The following SFI1 variants were observed in gnomAD, a reference collection of about 807,000 sequenced individuals.
SFI1 encodes the protein protein SFI1 homolog.
Under a neutral mutation model 207.5 loss-of-function variants are expected in SFI1, and 195 were observed. That is an observed-to-expected ratio of 0.94 (90% CI 0.84 to 1.06). The LOEUF is 1.06. SFI1 is among the 50% of genes least tolerant of loss of function. SFI1 has a pLI of 0.00. For synonymous variants in SFI1, 630 were observed against 598.9 expected (o/e 1.05, Z -0.76); for missense variants, 1,634 against 1,588.0 (o/e 1.03, Z -0.49).
intron 7 of SFI1, among the ~76,000 whole-genome samples, chr22:31,557,783 G>C (rs1216110432): frequency 6.6e-6 from 1 of 152,080 alleles, no homozygotes; most frequent in Non-Finnish European, 1.5e-5. Flanking sequence ...GCAAAACTAG[G>C]GCTCACCCAC....
At chr22:31,603,849 G>A (rs757467074) in intron 18 of SFI1, 30 bp downstream of exon 18, 1 of 1,571,972 alleles carries the variant, frequency 6.4e-7, no homozygotes, top group East Asian at 2.4e-5. Flanking sequence ...TGCCACCCGT[G>A]TATGACTTTT....
At chr22:31,541,994 C>G (rs903883509) in intron 4 of SFI1, among the ~76,000 whole-genome samples, 3 of 146,724 alleles carry the variant, frequency 2.0e-5, no homozygotes, top group Admixed American at 6.9e-5. Context: ...CCAGCTACTC[C>G]GGAGGCTGAG....
intron 8 of SFI1, among the ~76,000 whole-genome samples, chr22:31,569,014 T>A (rs2062685228): frequency 6.6e-6 from 1 of 152,234 alleles, no homozygotes; most frequent in African/African-American, 2.4e-5. Flanking sequence ...TAAAGCATTT[T>A]AATTCTTTAA....
chr22:31,530,614 G>T lies in SFI1; in HGVS notation c.267-444G>T, dbSNP rs765022221. 5.5e-5 allele frequency: 26 copies of T among 470,932 alleles called. 1 individual carries two copies. The highest frequency in any genetic ancestry group is 4.0e-4 in the South Asian group (26 of 64,538). 29.2% of individuals were successfully genotyped at this position (470,932 alleles called of 1,614,324 possible). A position where few individuals can be genotyped will look rare whatever the true frequency, so the allele number is the denominator to read the frequency against. ...CAGGGGCTCACAGTGCAGAGGGAAT[G>T]ACAGACACCCTGTGAGCTGATCTCT... On this transcript the variant is annotated intron_variant, in intron 3 of 32. Coordinates refer to ENST00000400288, the MANE Select transcript of SFI1 (RefSeq NM_001007467.3).
chr22:31,562,868 T>C (rs747621983), intron 8 of SFI1, among the ~76,000 whole-genome samples: 19 of 151,812 alleles, frequency 1.3e-4, no homozygotes, highest in Non-Finnish European at 2.4e-4. Context: ...CTCCTGACCT[T>C]GTGATGGCCT....
intron 4 of SFI1, among the ~76,000 whole-genome samples, chr22:31,546,283 C>G (rs1226142239): frequency 6.6e-6 from 1 of 151,994 alleles, no homozygotes; most frequent in African/African-American, 2.4e-5. Flanking sequence ...GTATTACAGG[C>G]ATGAGCCACC....
At chr22:31,589,695 G>A in intron 15 of SFI1, 118 bp downstream of exon 15, 1 of 1,058,682 alleles carries the variant, frequency 9.4e-7, no homozygotes, top group Non-Finnish European at 1.3e-6. Flanking sequence ...AGTACTTCCT[G>A]GATTTTCAGT....
chr22:31,615,654 G>C (rs1263350699), intron 29 of SFI1: 1 of 187,482 alleles, frequency 5.3e-6, no homozygotes, highest in African/African-American at 2.3e-5. Flanking sequence ...TCAGGTTTCT[G>C]TGCAGGCTGT....
chr22:31,567,919 T>A (rs1427526411), intron 8 of SFI1, among the ~76,000 whole-genome samples: 5 of 152,156 alleles, frequency 3.3e-5, no homozygotes, highest in Non-Finnish European at 7.4e-5. Context: ...TAAAAGGACG[T>A]AATGAACTGC....
At position 31,616,883 on chromosome 22, in the gene SFI1, T is replaced by C; in HGVS notation, c.3433+6T>C. 6.2e-7 allele frequency: 1 copy of C among 1,609,762 alleles called. No individual in the cohort carries two copies. The highest frequency in any genetic ancestry group is 8.5e-7 in the Non-Finnish European group (1 of 1,177,746). On this transcript the variant is annotated splice_donor_region_variant and intron_variant, in intron 30 of 32. Transcript: ENST00000400288. The stretch of plus-strand genomic sequence containing the variant: ...GCCTGGACTTTCAACTGCAGGTGTG[T>C]ACCTGGGGCCTGTCAGGGCAGAAAG...
rs1386589683 is a variant in SFI1, at chr22:31,514,527, A to AC, written c.92+6151_92+6152insC. ...TGTCTCAAAAAAAAAAAAAAAAAAA[A>AC]AAAATCAACTGTATTTCTCCTATTT... On this transcript the variant is annotated intron_variant, in intron 2 of 32. Coordinates refer to ENST00000400288, the MANE Select transcript of SFI1 (RefSeq NM_001007467.3). Among the ~76,000 whole-genome samples the AC allele has an allele frequency of 8.9e-4, 135 of 151,022 alleles. 2 individuals are homozygous for AC. Among genetic ancestry groups the AC allele is most frequent in the South Asian group, 6.9e-3 (33 of 4,760 alleles).
At chr22:31,582,226 ATATATATATATTTTTTTTTTTTTT>A (rs2064361279) in intron 12 of SFI1, among the ~76,000 whole-genome samples, 4 of 34,242 alleles carry the variant, frequency 1.2e-4, no homozygotes, top group African/African-American at 4.5e-4. Flanking sequence ...ATATATATAT[ATATATATATATTTTTTTTTTTTTT>A]TTTTTTTTTT....
chr22:31,580,636 G>A (rs1386059848), intron 12 of SFI1, among the ~76,000 whole-genome samples: 2 of 146,436 alleles, frequency 1.4e-5, no homozygotes, highest in Admixed American at 1.4e-4. Flanking sequence ...TCCGCCTCCC[G>A]GGTTCAAGCA....
At chr22:31,608,348 A>T (rs1314167936) in intron 22 of SFI1, among the ~76,000 whole-genome samples, 1 of 152,078 alleles carries the variant, frequency 6.6e-6, no homozygotes, top group Non-Finnish European at 1.5e-5. Flanking sequence ...CCATTGCTCC[A>T]GTCTTTGCCC....
At chr22:31,526,046 C>T (rs1294618043) in intron 2 of SFI1, among the ~76,000 whole-genome samples, 1 of 152,054 alleles carries the variant, frequency 6.6e-6, no homozygotes, top group African/African-American at 2.4e-5. Flanking sequence ...GTTCTTCTGT[C>T]CTCTGTTCTC....
intron 2 of SFI1, among the ~76,000 whole-genome samples, chr22:31,519,814 C>T (rs2056992985): frequency 6.6e-6 from 1 of 152,032 alleles, no homozygotes; most frequent in African/African-American, 2.4e-5. Context: ...TTAAGCAATC[C>T]ACCCACCTTG....
intron 7 of SFI1, chr22:31,559,716 TC>T (rs2061495115): frequency 3.6e-6 from 3 of 843,856 alleles, no homozygotes; most frequent in East Asian, 2.5e-5. Flanking sequence ...CAGTACAAGA[TC>T]CCAGACTGGT....
intron 8 of SFI1, among the ~76,000 whole-genome samples, chr22:31,561,633 A>C (rs1471187708): frequency 6.6e-6 from 1 of 152,202 alleles, no homozygotes; most frequent in Admixed American, 6.5e-5. Context: ...GGAGCTGGAG[A>C]GGGATTTATG....
rs370262891 is a variant in SFI1, at chr22:31,575,253, T to C, written c.945T>C (p.His315=). Residue 315 remains histidine (H), a synonymous_variant, in exon 10 of 33, where the codon CAT becomes CAC. Coordinates refer to ENST00000400288, the MANE Select transcript of SFI1 (RefSeq NM_001007467.3). The part of the protein sequence containing the change: ...QQNEMAERFH[H]VTVLQIYFCD... The stretch of plus-strand genomic sequence containing the variant: ...CAGAGATGGCTGAGCGATTCCATCA[T>C]GTCACTGTGCTCCAGATATACTTCT... 11 of 1,611,364 alleles carry C rather than the reference T, an allele frequency of 6.8e-6. No homozygotes were observed. In the South Asian group the frequency reaches 1.0e-4, roughly 15 times the overall value.
Sources: gnomAD v4.1 joint callset for allele counts (sites outside exome capture counted in the v4.1 genomes callset) on GRCh38, gnomAD v4.1.1 for gene constraint, MANE v1.5 for transcripts, NCBI Gene and HGNC (gene_info 2026-07-23, HGNC 2026-07-21) for gene names.